Variants in HS1BP3 observed in about 807,000 individuals in gnomAD.
HS1BP3 encodes the protein HCLS1 binding protein 3.
Under a neutral mutation model 33.5 loss-of-function variants are expected in HS1BP3, and 32 were observed. The ratio of observed to expected loss-of-function variants is 0.95; its 90% confidence interval spans 0.72 to 1.28. The LOEUF (loss-of-function observed/expected upper bound fraction) is 1.28, where lower values mean the gene tolerates loss of function less well. Among genes scored for constraint, HS1BP3 ranks in the 50% most tolerant of loss-of-function variants. The pLI is 0.00. For synonymous variants in HS1BP3, 187 were observed against 209.2 expected, an observed-to-expected ratio of 0.89 and a Z score of 0.92; for missense variants, 486 against 502.3, an observed-to-expected ratio of 0.97 and a Z score of 0.31.
At chr2:20,620,088 A>G (rs990693493) in intron 6 of HS1BP3, among the ~76,000 whole-genome samples, 4 of 152,278 alleles carry the variant, frequency 2.6e-5, no homozygotes, top group Non-Finnish European at 5.9e-5. Flanking sequence ...CTGATTCTCC[A>G]GAACTTGATT....
chr2:20,577,819 T>G (rs1355174009), intron 5 of HS1BP3, among the ~76,000 whole-genome samples: 2 of 152,206 alleles, frequency 1.3e-5, no homozygotes, highest in African/African-American at 2.4e-5. Context: ...TCCCCGGCAC[T>G]GGGGCTGGAT....
At chr2:20,607,794 A>T (rs1370967433) in intron 2 of HS1BP3, among the ~76,000 whole-genome samples, 1 of 152,252 alleles carries the variant, frequency 6.6e-6, no homozygotes, top group East Asian at 1.9e-4. Context: ...AAAACATCAC[A>T]TTGGGATTTT....
At chr2:20,607,119 G>A (rs1694206330) in intron 2 of HS1BP3, among the ~76,000 whole-genome samples, 1 of 146,766 alleles carries the variant, frequency 6.8e-6, no homozygotes. Context: ...TTTATGTTGA[G>A]TTAATTTTTG....
intron 2 of HS1BP3, among the ~76,000 whole-genome samples, chr2:20,608,120 G>T (rs1347531367): frequency 1.3e-5 from 2 of 152,070 alleles, no homozygotes; most frequent in Admixed American, 6.5e-5. Flanking sequence ...TCATATATTA[G>T]CTATAATAGT....
intron 2 of HS1BP3, among the ~76,000 whole-genome samples, chr2:20,603,070 A>T (rs1448721923): frequency 6.6e-6 from 1 of 152,242 alleles, no homozygotes; most frequent in Admixed American, 6.5e-5. Context: ...AAAAAGACAG[A>T]TATTAACAAT....
At chr2:20,555,658 G>A (rs1176278037), downstream of HS1BP3, among the ~76,000 whole-genome samples, 3 of 151,412 alleles carry the variant, frequency 2.0e-5, no homozygotes, top group Non-Finnish European at 4.4e-5. Context: ...CCACCCCCCT[G>A]CCTCTTCCTT....
downstream of HS1BP3, chr2:20,590,874 G>A (rs1473445984): frequency 1.2e-5 from 2 of 167,384 alleles, no homozygotes; most frequent in Admixed American, 6.5e-5. Context: ...AGGACAAAGA[G>A]CACAATCTGG....
At chr2:20,609,641 C>G (rs1694274809) in intron 2 of HS1BP3, among the ~76,000 whole-genome samples, 1 of 152,186 alleles carries the variant, frequency 6.6e-6, no homozygotes, top group South Asian at 2.1e-4. Flanking sequence ...TTAATTCTCC[C>G]CATTCACCTG....
At chr2:20,575,197 G>A (rs1693370401) in intron 5 of HS1BP3, among the ~76,000 whole-genome samples, 1 of 152,192 alleles carries the variant, frequency 6.6e-6, no homozygotes, top group African/African-American at 2.4e-5. Flanking sequence ...TTTGTCCTGT[G>A]GTCATTCACA....
At chr2:20,632,724 C>T (rs1223488654) in intron 4 of HS1BP3, among the ~76,000 whole-genome samples, 1 of 152,172 alleles carries the variant, frequency 6.6e-6, no homozygotes, top group African/African-American at 2.4e-5. Context: ...AACCAAGCAA[C>T]CACTGAATCC....
At chr2:20,562,819 C>G (rs568759375) in intron 5 of HS1BP3, among the ~76,000 whole-genome samples, 1 of 152,280 alleles carries the variant, frequency 6.6e-6, no homozygotes, top group South Asian at 2.1e-4. Flanking sequence ...AACTCGCACA[C>G]GTCTGGTGTT....
chr2:20,615,906 G>T (rs1220376708), downstream of HS1BP3, among the ~76,000 whole-genome samples: 1 of 152,206 alleles, frequency 6.6e-6, no homozygotes, highest in Non-Finnish European at 1.5e-5. Flanking sequence ...GTGGTCATGG[G>T]ACACCAGTAC....
rs1346575815 is a variant in HS1BP3, at chr2:20,619,107, A to G, written c.1059T>C (p.Ala353=). ...KPAVPPKAGP[A]EAVAGQQKPQ... is the part of the protein sequence containing the mutation. ...GCTTCTGCTGCCCAGCCACAGCTTC[A>G]GCCGGGCCCGCTTTGGGGGGAACAG... The change falls in exon 7 of 7, where the codon GCT becomes GCC. Residue 353 remains alanine (A), a synonymous_variant. Coordinates refer to ENST00000304031, the MANE Select transcript of HS1BP3 (RefSeq NM_022460.4). 2 of 1,614,034 alleles carry G rather than the reference A, an allele frequency of 1.2e-6. No homozygotes were observed. The highest frequency in any genetic ancestry group is 1.3e-5 in the African/African-American group (1 of 74,914).
chr2:20,566,037 A>T (rs542292820), intron 5 of HS1BP3, among the ~76,000 whole-genome samples: 1 of 152,326 alleles, frequency 6.6e-6, no homozygotes, highest in African/African-American at 2.4e-5. Flanking sequence ...AACAAACTCC[A>T]CCAAGGTCGC....
At chr2:20,613,152 C>G (rs970480110), downstream of HS1BP3, among the ~76,000 whole-genome samples, 1 of 152,176 alleles carries the variant, frequency 6.6e-6, no homozygotes, top group Non-Finnish European at 1.5e-5. Flanking sequence ...AAAAACATTG[C>G]CCTCTGGGAC....
At chr2:20,596,774 T>C (rs185776593) in intron 3 of HS1BP3, among the ~76,000 whole-genome samples, 86 of 152,342 alleles carry the variant, frequency 5.6e-4, no homozygotes, top group Non-Finnish European at 8.8e-4. Flanking sequence ...TCCTGCTGTG[T>C]CTGAAGCACC....
chr2:20,646,149 CA>C (rs1695514088), intron 1 of HS1BP3, among the ~76,000 whole-genome samples: 1 of 152,204 alleles, frequency 6.6e-6, no homozygotes, highest in African/African-American at 2.4e-5. Context: ...GTATGATGAG[CA>C]AAGAAGTGAT....
At chr2:20,597,486 G>T (rs900883186) in intron 3 of HS1BP3, among the ~76,000 whole-genome samples, 7 of 152,132 alleles carry the variant, frequency 4.6e-5, no homozygotes, top group African/African-American at 1.7e-4. Flanking sequence ...TCAGCTCTAA[G>T]AAAAGGAAGT....
At chr2:20,598,177 T>C in intron 3 of HS1BP3, 1 of 311,760 alleles carries the variant, frequency 3.2e-6, no homozygotes, top group Non-Finnish European at 6.8e-6. Context: ...TATTACGTTG[T>C]AATATATAAT....
Sources: allele counts gnomAD v4.1 joint callset (sites outside exome capture counted in the v4.1 genomes callset), GRCh38; gene constraint gnomAD v4.1.1; transcripts MANE v1.5; gene names NCBI Gene and HGNC (gene_info 2026-07-23, HGNC 2026-07-21).